KAZN: variants seen among roughly 807,000 people sequenced by gnomAD.
The protein encoded by KAZN is kazrin, periplakin interacting protein, also known as kazrin.
KAZN carries 40 observed loss-of-function variants against 87.4 expected under a neutral mutation model. The observed-to-expected ratio is 0.46, with a 90% CI of 0.36 to 0.60. The LOEUF is 0.60. Ranked by LOEUF, KAZN falls within the 20% of genes least tolerant of loss-of-function variation. The probability of loss-of-function intolerance (pLI) is 0.00; values close to 1 mark genes in which losing one functional copy is unlikely to be tolerated. For synonymous variants in KAZN, 466 were observed against 458.3 expected (o/e 1.02, Z -0.22); for missense variants, 898 against 1,073.9 (o/e 0.84, Z 2.29).
chr1:13,950,263 C>G (rs1458131534), intron 1 of KAZN, among the ~76,000 whole-genome samples: 1 of 152,172 alleles, frequency 6.6e-6, no homozygotes, highest in Admixed American at 6.5e-5. Flanking sequence ...TTATGCCTTC[C>G]AGACCTCCCT....
chr1:13,981,825 C>T (rs566266016), intron 1 of KAZN, among the ~76,000 whole-genome samples: 1 of 152,066 alleles, frequency 6.6e-6, no homozygotes, highest in Non-Finnish European at 1.5e-5. Context: ...TTTTACAGAC[C>T]CTAGAAGATG....
chr1:14,652,726 C>T (rs1638528453), intron 1 of KAZN, among the ~76,000 whole-genome samples: 1 of 134,516 alleles, frequency 7.4e-6, no homozygotes, highest in Non-Finnish European at 1.6e-5. Context: ...TTCATCCACC[C>T]ATCCGTTAAT....
Position 14,404,028 on chromosome 1 carries a change from G to A in KAZN, c.250-194955G>A, listed in dbSNP as rs141866163. Among the ~76,000 whole-genome samples the A allele has an allele frequency of 4.1e-3, 627 of 152,290 alleles. 4 individuals are homozygous for A. The highest frequency in any genetic ancestry group is 0.015 in the African/African-American group (614 of 41,568). On this transcript the variant is annotated intron_variant, in intron 2 of 16. Coordinates refer to the KAZN transcript ENST00000636203. ...GAGGGGGTGGTGTCTGATTGACATA[G>A]GGCACAAAAGATTGATCGGACCAGG...
rs115544439 is a variant in KAZN at position 14,812,508 on chromosome 1, G to A, written c.227-148176G>A. ...CGGATCACATTCATTTTTCAAGCCT[G>A]GTGGGAATTTTTTGTTGTGTTTTGA... On this transcript the variant is annotated intron_variant, in intron 1 of 14. Coordinates refer to ENST00000376030, the MANE Select transcript of KAZN (RefSeq NM_201628.3). Among the ~76,000 whole-genome samples the A allele has an allele frequency of 5.3e-3, 812 of 152,166 alleles. 9 individuals carry two copies. Among genetic ancestry groups the A allele is most frequent in the African/African-American group, 0.019 (780 of 41,536 alleles).
intron 1 of KAZN, among the ~76,000 whole-genome samples, chr1:14,160,758 T>G (rs1645692517): frequency 6.6e-6 from 1 of 152,222 alleles, no homozygotes; most frequent in Non-Finnish European, 1.5e-5. Context: ...CCATTTATTT[T>G]ATCTCTCTAT....
chr1:14,266,993 C>T (rs751816145), intron 2 of KAZN, among the ~76,000 whole-genome samples: 14 of 151,282 alleles, frequency 9.3e-5, no homozygotes, highest in Non-Finnish European at 1.6e-4. Flanking sequence ...CCCATTAACT[C>T]GTCATTTAGC....
At chr1:14,392,837 G>A (rs902758168) in intron 2 of KAZN, among the ~76,000 whole-genome samples, 50 of 152,132 alleles carry the variant, frequency 3.3e-4, no homozygotes, top group African/African-American at 1.2e-3. Context: ...AATTCTCATG[G>A]TGATTCTAAT....
At chr1:15,025,888 C>G (rs886230840) in intron 2 of KAZN, among the ~76,000 whole-genome samples, 1 of 152,108 alleles carries the variant, frequency 6.6e-6, no homozygotes, top group Non-Finnish European at 1.5e-5. Context: ...TTTGGGAGGC[C>G]AAGGCGGGCG....
At position 15,063,566 on chromosome 1, in the gene KAZN, C is replaced by G; in HGVS notation, c.1048-6C>G. 1.2e-6 allele frequency: 2 copies of G among 1,613,478 alleles called. No homozygotes were observed. The highest frequency in any genetic ancestry group is 1.1e-5 in the South Asian group (1 of 91,086). ...GTTTCATCTTCCTCTTCTCCTCTGG[C>G]TACAGGGCGACAGTCCCGGCCCAGT... On this transcript the variant is annotated splice_region_variant and splice_polypyrimidine_tract_variant and intron_variant, in intron 6 of 14. Transcript: ENST00000376030.
intron 1 of KAZN, among the ~76,000 whole-genome samples, chr1:14,860,613 C>G (rs559735794): frequency 1.3e-5 from 2 of 152,338 alleles, no homozygotes; most frequent in Non-Finnish European, 2.9e-5. Flanking sequence ...CTGTAGTCAA[C>G]TTCTGTACAT....
chr1:14,686,086 T>C (rs985377255), intron 1 of KAZN, among the ~76,000 whole-genome samples: 3 of 152,214 alleles, frequency 2.0e-5, no homozygotes, highest in African/African-American at 7.2e-5. Context: ...TTTTGTTTTT[T>C]TGAGACAGAG....
chr1:14,479,261 C>T (rs765809214), intron 2 of KAZN, among the ~76,000 whole-genome samples: 7 of 152,162 alleles, frequency 4.6e-5, no homozygotes, highest in African/African-American at 7.2e-5. Context: ...CCTGCAGCTG[C>T]AGCTTAAATC....
intron 1 of KAZN, among the ~76,000 whole-genome samples, chr1:14,741,347 G>A (rs1242910181): frequency 1.3e-5 from 2 of 152,210 alleles, no homozygotes; most frequent in African/African-American, 2.4e-5. Context: ...GCAGCTGGTG[G>A]CACAGGTGGC....
At chr1:14,733,094 T>C (rs1039158223) in intron 1 of KAZN, among the ~76,000 whole-genome samples, 3 of 152,050 alleles carry the variant, frequency 2.0e-5, no homozygotes, top group Non-Finnish European at 4.4e-5. Context: ...AGAAGACAAG[T>C]GCGCTGAGTG....
At chr1:13,898,619 G>A (rs1011206079) in intron 1 of KAZN, among the ~76,000 whole-genome samples, 1 of 152,192 alleles carries the variant, frequency 6.6e-6, no homozygotes, top group Non-Finnish European at 1.5e-5. Context: ...TTCAGCACCT[G>A]GACTGCTGCT....
At chr1:14,574,236 C>T (rs927203159) in intron 2 of KAZN, among the ~76,000 whole-genome samples, 1 of 152,202 alleles carries the variant, frequency 6.6e-6, no homozygotes, top group South Asian at 2.1e-4. Context: ...TTCATGACGT[C>T]TCCCTGCACT....
At chr1:14,535,469 C>A (rs1002671398) in intron 2 of KAZN, among the ~76,000 whole-genome samples, 1 of 152,236 alleles carries the variant, frequency 6.6e-6, no homozygotes, top group African/African-American at 2.4e-5. Context: ...AGATTGAGAC[C>A]ATCCTGGCCA....
At chr1:14,838,204 G>A (rs964523434) in intron 1 of KAZN, among the ~76,000 whole-genome samples, 3 of 152,202 alleles carry the variant, frequency 2.0e-5, no homozygotes, top group Admixed American at 6.5e-5. Flanking sequence ...GTGGCTGTGT[G>A]AAGTCTCTTT....
chr1:14,201,224 ACCTCTCGTCTTT>A lies in KAZN; in HGVS notation c.249+20638_249+20649del, dbSNP rs1267470151. 9.2e-5 allele frequency among the ~76,000 whole-genome samples: 14 copies of A among 152,160 alleles called. No individual in the cohort carries two copies. The East Asian group carries it at 2.5e-3, about 27-fold the overall frequency. On this transcript the variant is annotated intron_variant, in intron 2 of 16. Coordinates refer to the KAZN transcript ENST00000636203. Reference sequence around the variant, plus strand: ...GTTCATTATTTTTTTCTTTAGCTAAACCTCTCGTCTTTCCTCTTTCCTTTTCTTCTTTTCCTC... The same window carrying A: ...GTTCATTATTTTTTTCTTTAGCTAAACCTCTTTCCTTTTCTTCTTTTCCTC...
Sources: allele counts gnomAD v4.1 joint callset (sites outside exome capture counted in the v4.1 genomes callset), GRCh38; gene constraint gnomAD v4.1.1; transcripts MANE v1.5; gene names NCBI Gene and HGNC (gene_info 2026-07-23, HGNC 2026-07-21).